CEP112: variants seen among roughly 807,000 people sequenced by gnomAD.
The protein encoded by CEP112 is centrosomal protein 112.
Under a neutral mutation model 153.0 loss-of-function variants are expected in CEP112, and 127 were observed. The ratio of observed to expected loss-of-function variants is 0.83; its 90% CI spans 0.72 to 0.96. The LOEUF is 0.96. CEP112 is among the 40% of genes least tolerant of loss of function. CEP112 has a pLI of 0.00. For missense variants in CEP112, 1,089 were observed against 1,101.2 expected (o/e 0.99, Z 0.16); for synonymous variants, 358 against 374.4 (o/e 0.96, Z 0.51).
rs187540400 is a variant in CEP112 at position 65,666,868 on chromosome 17, C to T, written c.2697+22261G>A. Among the ~76,000 whole-genome samples the T allele has an allele frequency of 2.6e-4, 39 of 152,156 alleles. No homozygotes were observed. In the East Asian group the frequency reaches 7.3e-3, roughly 29 times the overall value. The stretch of plus-strand genomic sequence containing the variant: ...AAGGCATACTCAAGGTACTTGGTTC[C>T]TTTGTACTCTTTCCCTCTGTATTTC... On this transcript the variant is annotated intron_variant, in intron 24 of 26. Coordinates refer to ENST00000535342, the MANE Select transcript of CEP112 (RefSeq NM_001199165.4).
At chr17:65,815,850 G>A (rs192716205) in intron 21 of CEP112, among the ~76,000 whole-genome samples, 1 of 152,182 alleles carries the variant, frequency 6.6e-6, no homozygotes, top group East Asian at 1.9e-4. Context: ...CCATGACCTT[G>A]CTAACTTTAG....
At chr17:65,897,170 C>T (rs1410875941) in intron 20 of CEP112, among the ~76,000 whole-genome samples, 1 of 152,064 alleles carries the variant, frequency 6.6e-6, no homozygotes, top group Non-Finnish European at 1.5e-5. Flanking sequence ...GTTACATTAA[C>T]AGCAACAGCT....
At chr17:65,639,243 T>C (rs1392088401) in intron 25 of CEP112, among the ~76,000 whole-genome samples, 1 of 152,204 alleles carries the variant, frequency 6.6e-6, no homozygotes, top group East Asian at 1.9e-4. Context: ...ATACTATAAA[T>C]AGATAACGTG....
intron 6 of CEP112, among the ~76,000 whole-genome samples, chr17:66,128,653 TATA>T (rs1361072333): frequency 3.9e-5 from 6 of 152,144 alleles, no homozygotes. Flanking sequence ...ATCAAATATG[TATA>T]AAAAGATTCT....
chr17:65,836,306 C>A (rs932214967), intron 21 of CEP112, among the ~76,000 whole-genome samples: 4 of 152,232 alleles, frequency 2.6e-5, no homozygotes, highest in African/African-American at 7.2e-5. Context: ...ACTTTGAATG[C>A]AAATGGGTTA....
intron 20 of CEP112, among the ~76,000 whole-genome samples, chr17:65,868,747 C>A (rs2058560189): frequency 6.6e-6 from 1 of 152,030 alleles, no homozygotes; most frequent in South Asian, 2.1e-4. Context: ...TGTTCATTAG[C>A]ATTTAAAAAC....
At chr17:65,998,144 C>T (rs137908664) in intron 17 of CEP112, among the ~76,000 whole-genome samples, 380 of 151,698 alleles carry the variant, frequency 2.5e-3, no homozygotes, top group African/African-American at 9.1e-3. Flanking sequence ...TTTTGAGAGG[C>T]CTGAGGTGGA....
chr17:65,733,198 A>AGATG (rs1268323914), intron 23 of CEP112, among the ~76,000 whole-genome samples: 13 of 152,180 alleles, frequency 8.5e-5, no homozygotes, highest in African/African-American at 2.9e-4. Flanking sequence ...AGATGGAGAG[A>AGATG]GATGGGGGAA....
chr17:65,861,796 G>T (rs1258531488), intron 20 of CEP112, among the ~76,000 whole-genome samples: 1 of 152,166 alleles, frequency 6.6e-6, no homozygotes, highest in Non-Finnish European at 1.5e-5. Context: ...ATTGATTTGG[G>T]TGTAACGTGA....
intron 21 of CEP112, among the ~76,000 whole-genome samples, chr17:65,773,360 C>G (rs192236415): frequency 3.9e-5 from 6 of 152,248 alleles, no homozygotes; most frequent in Non-Finnish European, 8.8e-5. Context: ...GAAATTTGAC[C>G]CTGTCCCTTC....
At chr17:65,672,453 C>T (rs1019970983) in intron 24 of CEP112, among the ~76,000 whole-genome samples, 4 of 152,134 alleles carry the variant, frequency 2.6e-5, no homozygotes, top group African/African-American at 9.7e-5. Flanking sequence ...ATAACTAAGA[C>T]AATTTAGTTT....
At chr17:66,179,787 C>A (rs1429479410) in intron 2 of CEP112, among the ~76,000 whole-genome samples, 1 of 152,086 alleles carries the variant, frequency 6.6e-6, no homozygotes, top group Non-Finnish European at 1.5e-5. Flanking sequence ...GAAAGGCTTT[C>A]AGTTTTTCCC....
chr17:66,158,971 G>GAA (rs1250569511), intron 4 of CEP112, among the ~76,000 whole-genome samples: 1 of 151,918 alleles, frequency 6.6e-6, no homozygotes, highest in Non-Finnish European at 1.5e-5. Context: ...TAATAAAGAA[G>GAA]AAAAGAGAAG....
intron 18 of CEP112, among the ~76,000 whole-genome samples, chr17:65,957,211 G>A (rs2062031263): frequency 3.3e-5 from 5 of 151,960 alleles, no homozygotes; most frequent in Admixed American, 3.3e-4. Flanking sequence ...GGAATAAAAT[G>A]GAAACATATA....
chr17:65,865,953 G>C (rs1203509234), intron 20 of CEP112, among the ~76,000 whole-genome samples: 1 of 152,054 alleles, frequency 6.6e-6, no homozygotes, highest in Non-Finnish European at 1.5e-5. Context: ...TGGGAGCTGG[G>C]AGCAGGCAGG....
rs745998582 is a variant in CEP112, at chr17:66,175,034, C to A, written c.470+10G>T. 6 of 1,525,604 alleles carry A rather than the reference C, an allele frequency of 3.9e-6. No homozygotes were observed. The African/African-American group carries it at 7.0e-5, about 18-fold the overall frequency. The allele number at this position is 1,525,604 out of a possible 1,614,324, so 94.5% of individuals were successfully genotyped here. ...TGAAACACATTCAAAATCCCATTCT[C>A]TTTACATACCTGTAGACATCAGTTG... On this transcript the variant is annotated intron_variant, in intron 4 of 26. Transcript: ENST00000535342.
chr17:65,710,411 G>A (rs901603593), intron 23 of CEP112, among the ~76,000 whole-genome samples: 1 of 151,570 alleles, frequency 6.6e-6, no homozygotes, highest in Non-Finnish European at 1.5e-5. Flanking sequence ...TTATCCTTTT[G>A]TACCATATGC....
intron 23 of CEP112, among the ~76,000 whole-genome samples, chr17:65,712,544 A>AT (rs150052036): frequency 2.6e-5 from 4 of 151,584 alleles, no homozygotes; most frequent in African/African-American, 9.8e-5. Context: ...GGACAGGGCT[A>AT]TTCGCGTCAC....
chr17:66,065,740 C>G (rs2146039514), intron 10 of CEP112, among the ~76,000 whole-genome samples: 1 of 152,068 alleles, frequency 6.6e-6, no homozygotes, highest in East Asian at 1.9e-4. Flanking sequence ...TGCCATTCTC[C>G]CGCCTCAGCC....
Sources: allele counts gnomAD v4.1 joint callset (sites outside exome capture counted in the v4.1 genomes callset), GRCh38; gene constraint gnomAD v4.1.1; transcripts MANE v1.5; gene names NCBI Gene and HGNC (gene_info 2026-07-23, HGNC 2026-07-21).